RUNX2: variants seen among roughly 807,000 people sequenced by gnomAD.
RUNX2 encodes runt-related transcription factor 2.
A neutral mutation model predicts 51.7 loss-of-function variants in RUNX2; 10 were observed. That is an observed-to-expected ratio of 0.19 (90% CI 0.12 to 0.33). The LOEUF is 0.33. Among genes scored for constraint, RUNX2 ranks in the 10% least tolerant of loss-of-function variants. The pLI is 1.00. For missense variants in RUNX2, 562 were observed against 691.3 expected (o/e 0.81, Z 2.10); for synonymous variants, 276 against 273.6 (o/e 1.01, Z -0.09).
At chr6:45,452,527 T>G (rs894327777) in intron 5 of RUNX2, among the ~76,000 whole-genome samples, 1 of 152,204 alleles carries the variant, frequency 6.6e-6, no homozygotes, top group Non-Finnish European at 1.5e-5. Context: ...ATTTTTTAAT[T>G]CATTCTTTTG....
rs889947195 is a variant in RUNX2, at chr6:45,338,008, A to G, written c.58+9224A>G. Among the ~76,000 whole-genome samples, 91 of 152,026 alleles carry G rather than the reference A, an allele frequency of 6.0e-4. 2 individuals carry two copies. Among genetic ancestry groups the G allele is most frequent in the Admixed American group, 5.8e-3 (89 of 15,242 alleles). ...TTCATACTCTAATTACACATTAATC[A>G]TGGAACCTATAAACAAATCAAACTT... On this transcript the variant is annotated intron_variant, in intron 2 of 8. Transcript: ENST00000647337.
chr6:45,387,392 A>G (rs1020387443), intron 2 of RUNX2, among the ~76,000 whole-genome samples: 2 of 152,240 alleles, frequency 1.3e-5, no homozygotes, highest in African/African-American at 4.8e-5. Context: ...CACAGCACTC[A>G]TCATTCCACA....
rs1801179599 is a variant in RUNX2 at position 45,512,282 on chromosome 6, A to G, written c.896A>G (p.Tyr299Cys). 1.9e-6 allele frequency: 3 copies of G among 1,614,032 alleles called. No homozygotes were observed. Among genetic ancestry groups the G allele is most frequent in the Non-Finnish European group, 2.5e-6 (3 of 1,180,004 alleles). Residue 299 changes from tyrosine (Y) to cysteine (C), a missense_variant, in exon 7 of 9, where the codon TAT becomes TGT. Physicochemically the swap from Tyr to Cys is radical, Grantham distance 194. Around this residue, in one of 5 missense-constraint regions of RUNX2, gnomAD observed 304 missense variants for 353.2 expected, o/e 0.86. Transcript: ENST00000647337. ...RQAQSSPPWS[Y>C]DQSYPSYLSQ... Reference sequence around the variant, plus strand: ...GCACAGTCTTCCCCGCCGTGGTCCTATGACCAGTCTTACCCCTCCTACCTG... The same window carrying G: ...GCACAGTCTTCCCCGCCGTGGTCCTGTGACCAGTCTTACCCCTCCTACCTG...
chr6:45,328,598 GTC>G, intron 1 of RUNX2, 61 bp from the exon 2 acceptor site: 1 of 1,601,522 alleles, frequency 6.2e-7, no homozygotes, highest in Non-Finnish European at 8.5e-7. Flanking sequence ...TAAATATAAA[GTC>G]TATGTACTCC....
intron 5 of RUNX2, among the ~76,000 whole-genome samples, chr6:45,472,693 T>C (rs1315937148): frequency 6.6e-6 from 1 of 152,218 alleles, no homozygotes; most frequent in African/African-American, 2.4e-5. Context: ...TTCCTTATAG[T>C]CTTTGTCTCT....
chr6:45,399,869 A>G (rs1410208345), intron 2 of RUNX2, among the ~76,000 whole-genome samples: 2 of 149,134 alleles, frequency 1.3e-5, no homozygotes, highest in Non-Finnish European at 1.5e-5. Context: ...GAGATTGAAT[A>G]TAATACATTC....
intron 6 of RUNX2, among the ~76,000 whole-genome samples, chr6:45,506,487 A>G (rs1379883540): frequency 1.3e-5 from 2 of 152,096 alleles, no homozygotes; most frequent in Non-Finnish European, 2.9e-5. Flanking sequence ...AAAACCCAAC[A>G]CCAGAGGGTT....
chr6:45,346,645 G>A (rs1402401238), intron 2 of RUNX2, among the ~76,000 whole-genome samples: 1 of 148,336 alleles, frequency 6.7e-6, no homozygotes, highest in African/African-American at 2.5e-5. Context: ...TCGGCTCACT[G>A]CAACCTCCAC....
At chr6:45,429,689 A>T (rs1306772245) in intron 3 of RUNX2, among the ~76,000 whole-genome samples, 1 of 152,236 alleles carries the variant, frequency 6.6e-6, no homozygotes, top group East Asian at 1.9e-4. Flanking sequence ...GCTGTTAGCA[A>T]GGGGTGCTGA....
chr6:45,494,862 T>C (rs1246535400), intron 6 of RUNX2, among the ~76,000 whole-genome samples: 3 of 152,186 alleles, frequency 2.0e-5, no homozygotes, highest in African/African-American at 7.2e-5. Context: ...TTAGGTAATA[T>C]GGAGAGAGAA....
In RUNX2 at chr6:45,548,964, G is replaced by T. The variant is rs1233230923; in HGVS notation, c.*1659G>T. The T allele has an allele frequency of 5.0e-6, 2 of 396,084 alleles. No individual in the cohort carries two copies. The highest frequency in any genetic ancestry group is 8.9e-6 in the Non-Finnish European group (2 of 224,792). 24.5% of individuals were successfully genotyped at this position (396,084 alleles called of 1,614,324 possible). A position where few individuals can be genotyped will look rare whatever the true frequency, so the allele number is the denominator to read the frequency against. On this transcript the variant is annotated 3_prime_UTR_variant, in exon 9 of 9. Coordinates refer to ENST00000647337, the MANE Select transcript of RUNX2 (RefSeq NM_001024630.4). ...TTCCAGCAGGTAGCTGAGCTGAGAGGACATATGGCCCACGGGGACCTACAG... is the reference window on the plus strand; with the variant it reads ...TTCCAGCAGGTAGCTGAGCTGAGAGTACATATGGCCCACGGGGACCTACAG...
At chr6:45,443,452 G>GA (rs1006077283) in intron 5 of RUNX2, among the ~76,000 whole-genome samples, 1 of 152,070 alleles carries the variant, frequency 6.6e-6, no homozygotes, top group African/African-American at 2.4e-5. Context: ...GGATTTAAGG[G>GA]AAAAAAACCA....
rs2819862 is a variant in RUNX2 at position 45,456,240 on chromosome 6, T to C, written c.685+18189T>C. On this transcript the variant is annotated intron_variant, in intron 5 of 8. Coordinates refer to ENST00000647337, the MANE Select transcript of RUNX2 (RefSeq NM_001024630.4). ...TTGTATGTATGAATATATATTCACA[T>C]ATACTTTTTATTTTATACATTTTTG... Among the ~76,000 whole-genome samples the C allele has an allele frequency of 6.5e-3, 997 of 152,328 alleles. 8 individuals are homozygous for C. The highest frequency in any genetic ancestry group is 0.011 in the Non-Finnish European group (735 of 68,018).
At chr6:45,534,582 C>T (rs1801973922) in intron 7 of RUNX2, among the ~76,000 whole-genome samples, 1 of 152,098 alleles carries the variant, frequency 6.6e-6, no homozygotes, top group South Asian at 2.1e-4. Context: ...AGCCAGGGAA[C>T]TGAGGAGAGC....
intron 5 of RUNX2, among the ~76,000 whole-genome samples, chr6:45,479,167 A>G (rs936065582): frequency 1.3e-5 from 2 of 152,222 alleles, no homozygotes; most frequent in South Asian, 2.1e-4. Flanking sequence ...AACATTCTCA[A>G]TGAAAGGTCC....
chr6:45,374,581 A>C (rs1421240387), intron 2 of RUNX2, among the ~76,000 whole-genome samples: 1 of 152,248 alleles, frequency 6.6e-6, no homozygotes. Context: ...TTCATTAAGT[A>C]AACTGTAAGC....
At position 45,431,922 on chromosome 6, in the gene RUNX2, T is replaced by C; in HGVS notation, c.483T>C (p.Asp161=). 1 of 1,614,132 alleles carries C rather than the reference T, an allele frequency of 6.2e-7. No homozygotes were observed. Among genetic ancestry groups the C allele is most frequent in the African/African-American group, 1.3e-5 (1 of 75,030 alleles). Residue 161 remains aspartate, a synonymous_variant, in exon 4 of 9, where the codon GAT becomes GAC. Transcript: ENST00000647337. Reference sequence around the variant, plus strand: ...TGGTTACTGTCATGGCGGGTAACGATGAAAATTATTCTGCTGAGCTCCGGA... The same window carrying C: ...TGGTTACTGTCATGGCGGGTAACGACGAAAATTATTCTGCTGAGCTCCGGA... ...GTVVTVMAGN[D]ENYSAELRNA...
At chr6:45,521,944 A>G (rs1439752576) in intron 7 of RUNX2, among the ~76,000 whole-genome samples, 3 of 152,060 alleles carry the variant, frequency 2.0e-5, no homozygotes, top group African/African-American at 2.4e-5. Context: ...CATTTCTCCA[A>G]TTATTTACTT....
In RUNX2 at chr6:45,338,077, C is replaced by T. The variant is rs768608566; in HGVS notation, c.58+9293C>T. On this transcript the variant is annotated intron_variant, in intron 2 of 8. Transcript: ENST00000647337. ...CTTTATTGAATAAACTTAAGTTGTA[C>T]TCTAGTTTTCATCCTCAGAGTTTAC... Among the ~76,000 whole-genome samples the T allele has an allele frequency of 7.0e-4, 106 of 152,050 alleles. 2 individuals are homozygous for T. In the Middle Eastern group the frequency reaches 0.01, roughly 15 times the overall value.
Sources: allele counts gnomAD v4.1 joint callset (sites outside exome capture counted in the v4.1 genomes callset), GRCh38; gene constraint gnomAD v4.1.1; regional missense constraint gnomAD v4.1.1; transcripts MANE v1.5; gene names NCBI Gene and HGNC (gene_info 2026-07-23, HGNC 2026-07-21).